Variants in ADCY8 observed in about 807,000 individuals in gnomAD.
The protein encoded by ADCY8 is adenylate cyclase 8, also known as adenylate cyclase type 8.
ADCY8 carries 51 observed loss-of-function variants against 119.7 expected under a neutral mutation model. That is an observed-to-expected ratio of 0.43 (90% CI 0.34 to 0.54). The LOEUF is 0.54. ADCY8 is among the 20% of genes least tolerant of loss of function. The pLI, the probability that ADCY8 is intolerant of heterozygous loss-of-function variation, is 0.03. For synonymous variants in ADCY8, 665 were observed against 651.0 expected, an observed-to-expected ratio of 1.02 and a Z score of -0.33; for missense variants, 1,383 against 1,598.8, an observed-to-expected ratio of 0.87 and a Z score of 2.30.
chr8:130,960,386 C>A lies in ADCY8; in HGVS notation c.1111-8388G>T, dbSNP rs1172716928. Among the ~76,000 whole-genome samples, 4 of 152,128 alleles carry A rather than the reference C, an allele frequency of 2.6e-5. 1 individual carries two copies. Among genetic ancestry groups the A allele is most frequent in the Admixed American group, 2.6e-4 (4 of 15,274 alleles). On this transcript the variant is annotated intron_variant, in intron 2 of 17. Coordinates refer to ENST00000286355, the MANE Select transcript of ADCY8 (RefSeq NM_001115.3). ...ACTTGAACACTGGCTCTTGCTCAGC[C>A]TCCAAAAACAGCACTGGCAGGCATC...
rs1283541624 is a variant in ADCY8 at position 130,836,297 on chromosome 8, G to A, written c.2655C>T (p.Asp885=). The A allele has an allele frequency of 1.2e-6, 2 of 1,613,520 alleles. No individual in the cohort carries two copies. Among genetic ancestry groups the A allele is most frequent in the East Asian group, 4.5e-5 (2 of 44,858 alleles). Residue 885 remains aspartate (D), a synonymous_variant, in exon 12 of 18, where the codon GAC becomes GAT. Coordinates refer to ENST00000286355, the MANE Select transcript of ADCY8 (RefSeq NM_001115.3). ...CTTACTCTCCACTGTGGTTGAGGTT[G>A]TCATAACGCAGAAAGAGGCCTGCGT... ...TVYAGLFLRY[D]NLNHSGEDFL... is the part of the protein sequence containing the mutation.
Position 130,780,428 on chromosome 8 carries a change from C to A in ADCY8, c.3718G>T (p.Ala1240Ser), listed in dbSNP as rs80316823. The change falls in exon 18 of 18, where the codon GCC (alanine) becomes TCC (serine). Residue 1240 changes from alanine (A) to serine (S), a missense_variant. Physicochemically the swap from Ala to Ser is moderately conservative, Grantham distance 99. Transcript: ENST00000286355. Reference sequence around the variant, plus strand: ...GATTTGTCGGTGCCTTCAGCCTGGGCTCCAGGCTCTGTGCCGCTGGGTGAC... The same window carrying A: ...GATTTGTCGGTGCCTTCAGCCTGGGATCCAGGCTCTGTGCCGCTGGGTGAC... ...LLSPSGTEPG[A>S]QAEGTDKSDL... 1.1e-5 allele frequency: 18 copies of A among 1,610,354 alleles called. No homozygotes were observed. The highest frequency in any genetic ancestry group is 3.3e-5 in the Admixed American group (2 of 59,770).
chr8:131,000,699 C>T (rs1822916012), intron 1 of ADCY8, among the ~76,000 whole-genome samples: 1 of 152,094 alleles, frequency 6.6e-6, no homozygotes, highest in African/African-American at 2.4e-5. Flanking sequence ...TGCTCACCAA[C>T]CCCATGGCTG....
intron 10 of ADCY8, among the ~76,000 whole-genome samples, chr8:130,848,811 C>T (rs941402345): frequency 6.6e-6 from 1 of 152,168 alleles, no homozygotes; most frequent in Non-Finnish European, 1.5e-5. Context: ...CCTATAGCTA[C>T]CATGGTACAA....
chr8:131,023,322 C>T (rs748796888), intron 1 of ADCY8, among the ~76,000 whole-genome samples: 3 of 152,170 alleles, frequency 2.0e-5, no homozygotes, highest in African/African-American at 4.8e-5. Context: ...TGAGCGTGTT[C>T]TTTTACCTTA....
At chr8:131,037,275 G>A (rs1824186026) in intron 1 of ADCY8, among the ~76,000 whole-genome samples, 1 of 152,136 alleles carries the variant, frequency 6.6e-6, no homozygotes, top group Non-Finnish European at 1.5e-5. Context: ...GGATTTCACA[G>A]TGGAGAATTG....
intron 7 of ADCY8, among the ~76,000 whole-genome samples, chr8:130,890,938 A>G (rs904583575): frequency 3.9e-5 from 6 of 152,188 alleles, no homozygotes; most frequent in Non-Finnish European, 5.9e-5. Context: ...GGGCCAACTC[A>G]TTGCTGATAT....
At chr8:131,026,499 C>T in intron 1 of ADCY8, among the ~76,000 whole-genome samples, 1 of 152,156 alleles carries the variant, frequency 6.6e-6, no homozygotes, top group East Asian at 1.9e-4. Context: ...GGTGGAGTAG[C>T]AGGGACCCAC....
At chr8:130,823,464 T>C (rs752869348) in intron 12 of ADCY8, among the ~76,000 whole-genome samples, 20 of 152,186 alleles carry the variant, frequency 1.3e-4, no homozygotes, top group Non-Finnish European at 4.4e-5. Flanking sequence ...TTTTGCTTAA[T>C]ATTGGTTGCC....
At chr8:130,849,835 G>C (rs1233986740) in intron 9 of ADCY8, 32 bp from the exon 10 acceptor site, 4 of 1,584,910 alleles carry the variant, frequency 2.5e-6, no homozygotes, top group East Asian at 2.3e-5. Context: ...TGGGTCATTG[G>C]CATCAATTGT....
At chr8:130,789,756 C>T (rs1371555535) in intron 15 of ADCY8, among the ~76,000 whole-genome samples, 2 of 152,186 alleles carry the variant, frequency 1.3e-5, no homozygotes, top group East Asian at 3.8e-4. Flanking sequence ...GTCACGCCTG[C>T]CTTTCCTGCT....
At chr8:130,882,541 G>A (rs1008296372) in intron 8 of ADCY8, among the ~76,000 whole-genome samples, 2 of 152,096 alleles carry the variant, frequency 1.3e-5, no homozygotes, top group African/African-American at 4.8e-5. Context: ...CCTGGCAGAG[G>A]CAGCATAGTC....
intron 2 of ADCY8, among the ~76,000 whole-genome samples, chr8:130,952,368 T>A (rs931725393): frequency 1.3e-5 from 2 of 152,196 alleles, no homozygotes; most frequent in African/African-American, 2.4e-5. Flanking sequence ...GCGATGCATA[T>A]CAGGGATTAA....
intron 15 of ADCY8, among the ~76,000 whole-genome samples, chr8:130,788,779 A>G (rs1392565444): frequency 6.6e-6 from 1 of 152,130 alleles, no homozygotes; most frequent in African/African-American, 2.4e-5. Context: ...TTAAAATAAA[A>G]CTTTAAGAAA....
intron 5 of ADCY8, among the ~76,000 whole-genome samples, chr8:130,925,191 G>A (rs1292837843): frequency 6.6e-6 from 1 of 152,098 alleles, no homozygotes; most frequent in African/African-American, 2.4e-5. Context: ...GGTGAGCAGA[G>A]TGAGACTCTG....
intron 1 of ADCY8, among the ~76,000 whole-genome samples, chr8:131,021,232 G>C (rs759072288): frequency 1.3e-5 from 2 of 152,118 alleles, no homozygotes; most frequent in South Asian, 2.1e-4. Flanking sequence ...GAGCAGTCTA[G>C]GGCTGGCATG....
intron 3 of ADCY8, among the ~76,000 whole-genome samples, chr8:130,949,238 C>T (rs1030879289): frequency 4.6e-5 from 7 of 151,984 alleles, no homozygotes; most frequent in Non-Finnish European, 8.8e-5. Context: ...GAAAGCGAGC[C>T]GCCGAACATG....
At position 130,857,037 on chromosome 8, in the gene ADCY8, A is replaced by G. The variant is rs186145606; in HGVS notation, c.2211-7234T>C. On this transcript the variant is annotated intron_variant, in intron 9 of 17. Transcript: ENST00000286355. ...TTATAAAGTGTCTGCCTTTGTAATG[A>G]CCATCAATTCCTGAAATAGAACTTT... Among the ~76,000 whole-genome samples, 630 of 148,992 alleles carry G rather than the reference A, an allele frequency of 4.2e-3. 3 individuals carry two copies. The highest frequency in any genetic ancestry group is 0.012 in the African/African-American group (469 of 40,540).
chr8:131,012,942 C>T (rs1201112165), intron 1 of ADCY8, among the ~76,000 whole-genome samples: 2 of 152,178 alleles, frequency 1.3e-5, no homozygotes, highest in African/African-American at 4.8e-5. Flanking sequence ...TCTCAGAAGA[C>T]CTAACTTTGA....
Sources: gnomAD v4.1 joint callset for allele counts (sites outside exome capture counted in the v4.1 genomes callset) on GRCh38, gnomAD v4.1.1 for gene constraint, MANE v1.5 for transcripts, NCBI Gene and HGNC (gene_info 2026-07-23, HGNC 2026-07-21) for gene names.